The following ARHGAP32 variants were observed in gnomAD, a reference collection of about 807,000 sequenced individuals.
ARHGAP32 encodes Rho GTPase activating protein 32.
Under a neutral mutation model 186.5 loss-of-function variants are expected in ARHGAP32, and 51 were observed. That is an observed-to-expected ratio of 0.27 (90% CI 0.22 to 0.35). ARHGAP32 has a LOEUF of 0.35. ARHGAP32 is among the 10% of genes least tolerant of loss of function. The pLI, the probability that ARHGAP32 is intolerant of heterozygous loss-of-function variation, is 1.00. For missense variants in ARHGAP32, 2,186 were observed against 2,623.5 expected, an observed-to-expected ratio of 0.83 and a Z score of 3.64; for synonymous variants, 950 against 964.3, an observed-to-expected ratio of 0.99 and a Z score of 0.27.
chr11:129,125,924 G>A (rs1171710142), intron 2 of ARHGAP32: 1 of 439,836 alleles, frequency 2.3e-6, no homozygotes, highest in Non-Finnish European at 4.5e-6. Context: ...AGATTCTTTA[G>A]TAATGAAACA....
At chr11:129,050,653 C>A (rs955362835) in intron 10 of ARHGAP32, among the ~76,000 whole-genome samples, 4 of 152,124 alleles carry the variant, frequency 2.6e-5, no homozygotes, top group Non-Finnish European at 5.9e-5. Context: ...TTAATTATTT[C>A]TTTATTATAC....
rs567925418 is a variant in ARHGAP32, at chr11:129,128,814, A to T, written c.226-3920T>A. 1.2e-3 allele frequency among the ~76,000 whole-genome samples: 185 copies of T among 152,280 alleles called. 2 individuals carry two copies. The highest frequency in any genetic ancestry group is 3.4e-3 in the Middle Eastern group (1 of 294). ...TGGCCGGGCTGGTCTCCAGCTCCTG[A>T]CCGCAAGTGATCTGCCTGCCTCGGC... On this transcript the variant is annotated intron_variant, in intron 2 of 22. Coordinates refer to ENST00000682385, the MANE Select transcript of ARHGAP32 (RefSeq NM_001378024.1).
intron 6 of ARHGAP32, among the ~76,000 whole-genome samples, chr11:129,073,610 C>T (rs1940939113): frequency 6.6e-6 from 1 of 151,816 alleles, no homozygotes; most frequent in Admixed American, 6.6e-5. Flanking sequence ...AGGTATGATA[C>T]ATACATACTG....
intron 6 of ARHGAP32, among the ~76,000 whole-genome samples, chr11:129,070,420 T>C (rs1940832973): frequency 6.6e-6 from 1 of 152,048 alleles, no homozygotes; most frequent in Non-Finnish European, 1.5e-5. Context: ...GGTTAAATTG[T>C]TAACATGCCC....
chr11:129,022,285 T>C (rs1387500159), intron 11 of ARHGAP32, among the ~76,000 whole-genome samples: 1 of 152,154 alleles, frequency 6.6e-6, no homozygotes, highest in Non-Finnish European at 1.5e-5. Context: ...CACATGTACT[T>C]TAATGTCACA....
intron 2 of ARHGAP32, among the ~76,000 whole-genome samples, chr11:129,156,526 C>T (rs1258273571): frequency 6.6e-6 from 1 of 152,226 alleles, no homozygotes; most frequent in African/African-American, 2.4e-5. Context: ...CCACTGTAGC[C>T]AGACTGCCTC....
At chr11:129,008,545 T>C (rs1008678524) in intron 11 of ARHGAP32, among the ~76,000 whole-genome samples, 3 of 152,228 alleles carry the variant, frequency 2.0e-5, no homozygotes, top group African/African-American at 4.8e-5. Context: ...CCATCCTGGT[T>C]AGTCCATGAC....
chr11:129,145,449 C>G (rs1422585793), intron 2 of ARHGAP32, among the ~76,000 whole-genome samples: 2 of 150,982 alleles, frequency 1.3e-5, no homozygotes, highest in African/African-American at 4.9e-5. Flanking sequence ...ATAGCAAGAT[C>G]CTAGACCACC....
intron 6 of ARHGAP32, among the ~76,000 whole-genome samples, chr11:129,077,142 G>T (rs1280367361): frequency 3.3e-5 from 5 of 152,202 alleles, no homozygotes; most frequent in Non-Finnish European, 7.3e-5. Flanking sequence ...GAGGCCCAGG[G>T]AAGCCATTTC....
At chr11:128,999,437 G>A (rs1274409276) in intron 11 of ARHGAP32, among the ~76,000 whole-genome samples, 1 of 151,958 alleles carries the variant, frequency 6.6e-6, no homozygotes, top group Non-Finnish European at 1.5e-5. Flanking sequence ...TTCTAATTTC[G>A]CCCTGGTCCT....
At position 129,254,085 on chromosome 11, in the gene ARHGAP32, T is replaced by C. The variant is rs551432523; in HGVS notation, c.-5+25061A>G. On this transcript the variant is annotated intron_variant, in intron 1 of 6. Coordinates refer to the ARHGAP32 transcript ENST00000525234. ...AAGTAAATAAGTGTGATCATAGCTT[T>C]AGATGCCTAACTCACATTCAGTTCA... 5.3e-5 allele frequency among the ~76,000 whole-genome samples: 8 copies of C among 152,240 alleles called. No homozygotes were observed. In the East Asian group the frequency reaches 1.5e-3, roughly 29 times the overall value.
intron 6 of ARHGAP32, among the ~76,000 whole-genome samples, chr11:129,083,113 G>A (rs1941269690): frequency 6.6e-6 from 1 of 152,202 alleles, no homozygotes; most frequent in African/African-American, 2.4e-5. Flanking sequence ...TGGCATTGAT[G>A]TGGTAAAAAG....
At position 129,169,499 on chromosome 11, in the gene ARHGAP32, C is replaced by T. The variant is rs552588622; in HGVS notation, c.117-5072G>A. Reference sequence around the variant, plus strand: ...ACAAAAAATTAGCTGGGCGTGGTGGCGGGCGCCTATAGTCCCAGCTACTCA... The same window carrying T: ...ACAAAAAATTAGCTGGGCGTGGTGGTGGGCGCCTATAGTCCCAGCTACTCA... On this transcript the variant is annotated intron_variant, in intron 1 of 22. Transcript: ENST00000682385. 4.6e-4 allele frequency among the ~76,000 whole-genome samples: 70 copies of T among 151,902 alleles called. 1 individual carries two copies. In the South Asian group the frequency reaches 0.013, roughly 27 times the overall value.
chr11:129,002,764 T>C (rs540447601), intron 11 of ARHGAP32, among the ~76,000 whole-genome samples: 12 of 151,870 alleles, frequency 7.9e-5, no homozygotes, highest in Non-Finnish European at 1.8e-4. Context: ...ATGTTCCTTC[T>C]ATATATATTT....
upstream of ARHGAP32, among the ~76,000 whole-genome samples, chr11:129,193,631 ATAATATATG>A (rs1321116070): frequency 2.2e-4 from 18 of 82,376 alleles, no homozygotes; most frequent in African/African-American, 6.8e-4. Context: ...TATAATATAT[ATAATATATG>A]TTATATAATA....
chr11:129,054,227 G>C (rs184752183), intron 10 of ARHGAP32, among the ~76,000 whole-genome samples: 2 of 152,260 alleles, frequency 1.3e-5, no homozygotes, highest in East Asian at 3.9e-4. Context: ...CACTCTCTAA[G>C]TGAGATTCTA....
At chr11:129,268,120 C>G (rs1013414374) in intron 1 of ARHGAP32, among the ~76,000 whole-genome samples, 12 of 152,046 alleles carry the variant, frequency 7.9e-5, no homozygotes, top group African/African-American at 2.9e-4. Context: ...GTATCCCTAC[C>G]CCGAGTCCCA....
intron 2 of ARHGAP32, among the ~76,000 whole-genome samples, chr11:129,135,031 C>T (rs1385282197): frequency 2.0e-5 from 3 of 152,154 alleles, no homozygotes; most frequent in Admixed American, 2.0e-4. Flanking sequence ...AAACTACAAA[C>T]ATTGTTCAAA....
At chr11:129,173,958 C>A (rs948765842) in intron 1 of ARHGAP32, among the ~76,000 whole-genome samples, 1 of 152,182 alleles carries the variant, frequency 6.6e-6, no homozygotes, top group Non-Finnish European at 1.5e-5. Flanking sequence ...CAAATAGGAA[C>A]AGCTCCGGTC....
Sources: gnomAD v4.1 joint callset for allele counts (sites outside exome capture counted in the v4.1 genomes callset) on GRCh38, gnomAD v4.1.1 for gene constraint, MANE v1.5 for transcripts, NCBI Gene and HGNC (gene_info 2026-07-23, HGNC 2026-07-21) for gene names.